The following KCTD10 variants were observed in gnomAD, a reference collection of about 807,000 sequenced individuals.
KCTD10 encodes BTB/POZ domain-containing adapter for CUL3-mediated RhoA degradation protein 3.
Under a neutral mutation model 34.6 loss-of-function variants are expected in KCTD10, and 13 were observed. The observed-to-expected ratio is 0.38, with a 90% CI of 0.24 to 0.60. KCTD10 has a LOEUF of 0.60. Among genes scored for constraint, KCTD10 ranks in the 20% least tolerant of loss-of-function variants. The pLI is 0.66. For missense variants in KCTD10, 256 were observed against 420.3 expected, an observed-to-expected ratio of 0.61 and a Z score of 3.42; for synonymous variants, 156 against 168.8, an observed-to-expected ratio of 0.92 and a Z score of 0.59.
At chr12:109,452,204 A>T (rs887458611) in intron 6 of KCTD10, among the ~76,000 whole-genome samples, 4 of 152,238 alleles carry the variant, frequency 2.6e-5, no homozygotes, top group Non-Finnish European at 2.9e-5. Flanking sequence ...CTTAACCTAG[A>T]GATCATTCTG....
Position 109,458,363 on chromosome 12 carries a change from C to T in KCTD10, c.388-285G>A, listed in dbSNP as rs146261702. The T allele has an allele frequency of 1.7e-4, 50 of 303,028 alleles. No homozygotes were observed. The East Asian group carries it at 2.3e-3, about 14-fold the overall frequency. 18.8% of individuals were successfully genotyped at this position (303,028 alleles called of 1,614,324 possible). On this transcript the variant is annotated intron_variant, in intron 3 of 6. Transcript: ENST00000228495. Reference sequence around the variant, plus strand: ...AAGCCACTCAAAAATAAACCCTTGACGTGGCAGCAGAAACGTGTTTTAATC... The same window carrying T: ...AAGCCACTCAAAAATAAACCCTTGATGTGGCAGCAGAAACGTGTTTTAATC...
chr12:109,473,746 G>A (rs1309762469), intron 1 of KCTD10, among the ~76,000 whole-genome samples: 3 of 151,898 alleles, frequency 2.0e-5, no homozygotes, highest in Non-Finnish European at 4.4e-5. Context: ...AACCTCTCTA[G>A]GGAGGACTCT....
Position 109,450,231 on chromosome 12 carries a change from T to C in KCTD10, c.*1364A>G, listed in dbSNP as rs1872700770. The C allele has an allele frequency of 2.5e-6, 1 of 398,634 alleles. No individual in the cohort carries two copies. The highest frequency in any genetic ancestry group is 4.4e-5 in the Admixed American group (1 of 22,734). 24.7% of individuals were successfully genotyped at this position (398,634 alleles called of 1,614,324 possible). A position where few individuals can be genotyped will look rare whatever the true frequency, so the allele number is the denominator to read the frequency against. On this transcript the variant is annotated 3_prime_UTR_variant, in exon 7 of 7. Coordinates refer to ENST00000228495, the MANE Select transcript of KCTD10 (RefSeq NM_031954.5). The stretch of plus-strand genomic sequence containing the variant: ...GGTAACTACTCTACCTAGTCTAGTC[T>C]CAACCACCCCTGTCAGTCACGACTC...
intron 1 of KCTD10, among the ~76,000 whole-genome samples, chr12:109,472,893 C>G (rs548664492): frequency 1.4e-3 from 206 of 152,312 alleles, no homozygotes; most frequent in African/African-American, 4.8e-3. Context: ...ATGAAGTATA[C>G]TTTAAGTGTA....
intron 4 of KCTD10, 105 bp downstream of exon 4, chr12:109,457,887 G>A (rs1032003370): frequency 9.2e-7 from 1 of 1,090,670 alleles, no homozygotes; most frequent in African/African-American, 1.6e-5. Flanking sequence ...CCATTATCAG[G>A]CCTCACTCAG....
At position 109,453,386 on chromosome 12, in the gene KCTD10, G is replaced by A. The variant is rs144879953; in HGVS notation, c.724-1573C>T. ...TAAAAAATTTTTGGTAGAGACAGGG[G>A]TGTTGCTATGTTGCCCAGGCTGGTC... On this transcript the variant is annotated intron_variant, in intron 6 of 6. Transcript: ENST00000228495. Among the ~76,000 whole-genome samples, 25 of 152,252 alleles carry A rather than the reference G, an allele frequency of 1.6e-4. 1 individual carries two copies. The East Asian group carries it at 3.9e-3, about 24-fold the overall frequency.
At chr12:109,456,066 T>C (rs528771539) in intron 6 of KCTD10, 52 bp downstream of exon 6, 10 of 1,548,600 alleles carry the variant, frequency 6.5e-6, no homozygotes, top group African/African-American at 1.4e-5. Flanking sequence ...GGAAGTTCTA[T>C]AGGTGTGTGT....
At chr12:109,453,523 A>C (rs1201279344) in intron 6 of KCTD10, among the ~76,000 whole-genome samples, 1 of 152,138 alleles carries the variant, frequency 6.6e-6, no homozygotes, top group Non-Finnish European at 1.5e-5. Flanking sequence ...CCCAGACCTG[A>C]GCATTCCTGT....
chr12:109,471,238 G>A, intron 1 of KCTD10: 1 of 985,442 alleles, frequency 1.0e-6, no homozygotes, highest in Non-Finnish European at 1.2e-6. Flanking sequence ...TGGGAGTAAA[G>A]GGAGGCAGCT....
intron 1 of KCTD10, among the ~76,000 whole-genome samples, chr12:109,476,241 A>G (rs1874245840): frequency 6.6e-6 from 1 of 152,216 alleles, no homozygotes; most frequent in Non-Finnish European, 1.5e-5. Flanking sequence ...CCACTGGTTT[A>G]TGCTGCCTTC....
rs566846324 is a variant in KCTD10 at position 109,460,732 on chromosome 12, A to T, written c.291T>A (p.Pro97=). ...ILNYLRDGAV[P]LPESRREIEE... is the part of the protein sequence containing the mutation. ...CGATCTCCCGGCGGCTCTCGGGTAA[A>T]GGCACCGCCCCGTCTCGAAGGTAGT... Residue 97 remains proline (P), a synonymous_variant, in exon 3 of 7, where the codon CCT becomes CCA. Transcript: ENST00000228495. This position sits in a 1 kb window ranked among gnomAD's most constrained non-coding sequence, Gnocchi z 4.5. 4.3e-6 allele frequency: 7 copies of T among 1,614,128 alleles called. No homozygotes were observed. The African/African-American group carries it at 5.3e-5, about 12-fold the overall frequency.
chr12:109,456,688 CTA>C (rs1355663688), intron 5 of KCTD10: 2 of 306,906 alleles, frequency 6.5e-6, no homozygotes, highest in Non-Finnish European at 1.3e-5. Flanking sequence ...AAGGGAGACT[CTA>C]TATCCTAGGT....
chr12:109,473,876 G>C (rs1341735846), intron 1 of KCTD10, among the ~76,000 whole-genome samples: 1 of 151,438 alleles, frequency 6.6e-6, no homozygotes, highest in Non-Finnish European at 1.5e-5. Flanking sequence ...CTGCCTCCCA[G>C]GTTCAAGCAA....
intron 1 of KCTD10, among the ~76,000 whole-genome samples, chr12:109,471,954 A>G (rs1187811055): frequency 6.6e-6 from 1 of 152,170 alleles, no homozygotes. Context: ...CTAATGGCAT[A>G]CTTGTATAGG....
intron 1 of KCTD10, chr12:109,470,637 T>C: frequency 1.0e-6 from 1 of 979,564 alleles, no homozygotes; most frequent in Non-Finnish European, 1.2e-6. Flanking sequence ...ACCATTCCCA[T>C]TGAACATCAA....
At chr12:109,472,830 T>C (rs1489425535) in intron 1 of KCTD10, among the ~76,000 whole-genome samples, 2 of 152,380 alleles carry the variant, frequency 1.3e-5, no homozygotes, top group Middle Eastern at 3.4e-3. Flanking sequence ...TATGTGCGCA[T>C]GACTGTACCT....
Position 109,460,059 on chromosome 12 carries a change from G to T in KCTD10, c.387+577C>A, listed in dbSNP as rs1455282699. On this transcript the variant is annotated intron_variant, in intron 3 of 6. Transcript: ENST00000228495. This position sits in a 1 kb window ranked among gnomAD's most constrained non-coding sequence, Gnocchi z 4.5. ...GGGCCAGACACAGACATGTGGTGTG[G>T]GGGAGGCCCAAACAAGGGCCTCATG... 6.6e-6 allele frequency among the ~76,000 whole-genome samples: 1 copy of T among 152,232 alleles called. No homozygotes were observed. Among genetic ancestry groups the T allele is most frequent in the Non-Finnish European group, 1.5e-5 (1 of 68,052 alleles).
chr12:109,457,943 C>T, intron 4 of KCTD10, 49 bp downstream of exon 4: 1 of 1,435,420 alleles, frequency 7.0e-7, no homozygotes, highest in Non-Finnish European at 9.8e-7. Context: ...GAAGAACCTC[C>T]ATCATTTCTG....
Position 109,460,139 on chromosome 12 carries a change from C to T in KCTD10, c.387+497G>A, listed in dbSNP as rs1566054425. ...AAGGGATGCTTCTGATGCTCTGCCACGTTGCAACTTTGTTTGAAATAAAGG... is the reference window on the plus strand; with the variant it reads ...AAGGGATGCTTCTGATGCTCTGCCATGTTGCAACTTTGTTTGAAATAAAGG... On this transcript the variant is annotated intron_variant, in intron 3 of 6. Coordinates refer to ENST00000228495, the MANE Select transcript of KCTD10 (RefSeq NM_031954.5). The surrounding 1 kb of genome is among the most constrained non-coding windows in gnomAD (Gnocchi z 4.5). Among the ~76,000 whole-genome samples, 1 of 152,178 alleles carries T rather than the reference C, an allele frequency of 6.6e-6. No individual in the cohort carries two copies. Among genetic ancestry groups the T allele is most frequent in the South Asian group, 2.1e-4 (1 of 4,832 alleles).
Sources: gnomAD v4.1 joint callset for allele counts (sites outside exome capture counted in the v4.1 genomes callset) on GRCh38, gnomAD v4.1.1 for gene constraint, Gnocchi (gnomAD v3.1) non-coding constraint, MANE v1.5 for transcripts, NCBI Gene and HGNC (gene_info 2026-07-23, HGNC 2026-07-21) for gene names.